The following NBEAL2 variants were observed in gnomAD, a reference collection of about 807,000 sequenced individuals.
NBEAL2 encodes neurobeachin-like protein 2.
A neutral mutation model predicts 299.8 loss-of-function variants in NBEAL2; 160 were observed. The observed-to-expected ratio is 0.53, with a 90% CI of 0.47 to 0.61. NBEAL2 has a LOEUF of 0.61. Among genes scored for constraint, NBEAL2 ranks in the 20% least tolerant of loss-of-function variants. The probability of loss-of-function intolerance (pLI) is 0.00; values close to 1 mark genes in which losing one functional copy is unlikely to be tolerated. For missense variants in NBEAL2, 3,112 were observed against 3,649.0 expected (o/e 0.85, Z 3.79); for synonymous variants, 1,493 against 1,542.3 (o/e 0.97, Z 0.75).
chr3:46,995,590 A>G lies in NBEAL2; in HGVS notation c.1855A>G (p.Thr619Ala). 1 of 1,612,304 alleles carries G rather than the reference A, an allele frequency of 6.2e-7. No homozygotes were observed. The highest frequency in any genetic ancestry group is 1.1e-5 in the South Asian group (1 of 91,068). Residue 619 changes from threonine (T) to alanine (A), a missense_variant, in exon 13 of 54, where the codon ACC (threonine) becomes GCC (alanine). Thr to Ala is a moderately conservative substitution (Grantham distance 58). Coordinates refer to ENST00000450053, the MANE Select transcript of NBEAL2 (RefSeq NM_015175.3). ...LCLHPMDTAP[T>A]PAPTRPLQRK... ...TCTGCACCCTATGGATACAGCACCT[A>G]CCCCTGCCCCCACCCGACCACTCCA...
chr3:47,001,472 A>G lies in NBEAL2; in HGVS notation c.4644+34A>G. ...CCTCAGAGAGGCGTGAGCCACATGA[A>G]CACTCATGTTCATGCAAGCCTGCAG... is the stretch of plus-strand genomic sequence containing the variant. On this transcript the variant is annotated intron_variant, in intron 29 of 53. Coordinates refer to ENST00000450053, the MANE Select transcript of NBEAL2 (RefSeq NM_015175.3). The surrounding 1 kb of genome is among the most constrained non-coding windows in gnomAD (Gnocchi z 6.1). The G allele has an allele frequency of 6.2e-7, 1 of 1,601,490 alleles. No individual in the cohort carries two copies. The highest frequency in any genetic ancestry group is 8.5e-7 in the Non-Finnish European group (1 of 1,175,472).
At chr3:46,980,146 A>G (rs2035218495) in intron 1 of NBEAL2, among the ~76,000 whole-genome samples, 1 of 152,042 alleles carries the variant, frequency 6.6e-6, no homozygotes, top group South Asian at 2.1e-4. Context: ...CTTCATAGCA[A>G]CCCACCCCCG....
At position 46,989,339 on chromosome 3, in the gene NBEAL2, G is replaced by T. The variant is rs2035908074; in HGVS notation, c.431G>T (p.Gly144Val). 1.9e-6 allele frequency: 3 copies of T among 1,589,490 alleles called. No individual in the cohort carries two copies. Among genetic ancestry groups the T allele is most frequent in the Non-Finnish European group, 1.7e-6 (2 of 1,168,026 alleles). ...VALHALLLCE[G>V]LFDPYQTWRR... ...CTACATGCTCTGCTTCTCTGCGAGGGCCTCTTTGACCCTTACCAAACCTGG... is the reference window on the plus strand; with the variant it reads ...CTACATGCTCTGCTTCTCTGCGAGGTCCTCTTTGACCCTTACCAAACCTGG... Residue 144 changes from glycine to valine, a missense_variant, in exon 5 of 54, where the codon GGC becomes GTC. By Grantham distance (109) the Gly-to-Val change is moderately radical. Around this residue, in one of 3 missense-constraint regions of NBEAL2, gnomAD observed 2,243 missense variants for 2,538.1 expected, o/e 0.88. Transcript: ENST00000450053. This position sits in a 1 kb window ranked among gnomAD's most constrained non-coding sequence, Gnocchi z 5.5.
Position 46,989,616 on chromosome 3 carries a change from A to G in NBEAL2, c.556+23A>G, listed in dbSNP as rs1375908735. ...AAGGTCAGGCCCCGCCCCTGCCCCC[A>G]CTTGGCTCCACCCCCAAACCTAGGC... On this transcript the variant is annotated intron_variant, in intron 6 of 53. Transcript: ENST00000450053. This position sits in a 1 kb window ranked among gnomAD's most constrained non-coding sequence, Gnocchi z 5.5. 5 of 1,535,246 alleles carry G rather than the reference A, an allele frequency of 3.3e-6. No homozygotes were observed. The highest frequency in any genetic ancestry group is 4.4e-6 in the Non-Finnish European group (5 of 1,139,430).
rs376931816 is a variant in NBEAL2 at position 46,989,460 on chromosome 3, G to A, written c.474-51G>A. ...CGCGCTGGGCCCAAGGAGGGGTGAC[G>A]GCCAGGAGTGGTGAGAGCCGGGCTG... On this transcript the variant is annotated intron_variant, in intron 5 of 53. Transcript: ENST00000450053. This position sits in a 1 kb window ranked among gnomAD's most constrained non-coding sequence, Gnocchi z 5.5. 68 of 1,565,842 alleles carry A rather than the reference G, an allele frequency of 4.3e-5. No homozygotes were observed. The Middle Eastern group carries it at 6.7e-4, about 15-fold the overall frequency.
At chr3:46,998,619 C>A in intron 22 of NBEAL2, 54 bp downstream of exon 22, 1 of 1,578,468 alleles carries the variant, frequency 6.3e-7, no homozygotes, top group Non-Finnish European at 8.6e-7. Context: ...TGGCCTCCGG[C>A]CTTGGGGACT....
chr3:46,989,134 G>C lies in NBEAL2; in HGVS notation c.319G>C (p.Val107Leu). Residue 107 changes from valine (V) to leucine (L), a missense_variant, in exon 4 of 54, where the codon GTG becomes CTG. By Grantham distance (32) the Val-to-Leu change is conservative. Around this residue, in one of 3 missense-constraint regions of NBEAL2, gnomAD observed 2,243 missense variants for 2,538.1 expected, o/e 0.88. Coordinates refer to ENST00000450053, the MANE Select transcript of NBEAL2 (RefSeq NM_015175.3). The surrounding 1 kb of genome is among the most constrained non-coding windows in gnomAD (Gnocchi z 5.5). ...AGRGQVLVPR[V>L]LALLTKLVAE... is the part of the protein sequence containing the mutation. ...CCGGGGCCAAGTGCTAGTGCCCCGAGTGCTGGCACTGTTGACCAAGTTGGT... is the reference window on the plus strand; with the variant it reads ...CCGGGGCCAAGTGCTAGTGCCCCGACTGCTGGCACTGTTGACCAAGTTGGT... The C allele has an allele frequency of 6.2e-7, 1 of 1,613,916 alleles. No individual in the cohort carries two copies. The highest frequency in any genetic ancestry group is 8.5e-7 in the Non-Finnish European group (1 of 1,179,840).
chr3:46,990,997 G>A (rs150224052), intron 6 of NBEAL2, among the ~76,000 whole-genome samples: 2 of 152,086 alleles, frequency 1.3e-5, no homozygotes, highest in Non-Finnish European at 2.9e-5. Flanking sequence ...TCACCCTTAA[G>A]TCCCCCAAAG....
At position 46,988,835 on chromosome 3, in the gene NBEAL2, C is replaced by T; in HGVS notation, c.141-7C>T. 1 of 1,604,672 alleles carries T rather than the reference C, an allele frequency of 6.2e-7. No homozygotes were observed. The highest frequency in any genetic ancestry group is 8.5e-7 in the Non-Finnish European group (1 of 1,173,106). Reference sequence around the variant, plus strand: ...CCTCAGCACCCGTGTCTCCCCTTTCCTTGCAGGCCAGAGGAGGCAGGTGCA... The same window carrying T: ...CCTCAGCACCCGTGTCTCCCCTTTCTTTGCAGGCCAGAGGAGGCAGGTGCA... On this transcript the variant is annotated splice_region_variant and splice_polypyrimidine_tract_variant and intron_variant, in intron 2 of 53. Coordinates refer to ENST00000450053, the MANE Select transcript of NBEAL2 (RefSeq NM_015175.3). This position sits in a 1 kb window ranked among gnomAD's most constrained non-coding sequence, Gnocchi z 4.4.
intron 9 of NBEAL2, among the ~76,000 whole-genome samples, 187 bp downstream of exon 9, chr3:46,992,133 A>G (rs1269452461): frequency 6.6e-6 from 1 of 152,140 alleles, no homozygotes; most frequent in Non-Finnish European, 1.5e-5. Context: ...TGGGGCCTCT[A>G]TAGGACTGGG....
intron 9 of NBEAL2, 43 bp from the exon 10 acceptor site, chr3:46,992,432 C>G: frequency 6.5e-7 from 1 of 1,545,224 alleles, no homozygotes; most frequent in Non-Finnish European, 8.8e-7. Flanking sequence ...TTCCTCCTCT[C>G]TTCTTTGCCT....
rs185178033 is a variant in NBEAL2 at position 46,987,078 on chromosome 3, A to G, written c.52-1591A>G. 1.8e-3 allele frequency among the ~76,000 whole-genome samples: 273 copies of G among 152,336 alleles called. 3 individuals are homozygous for G. The highest frequency in any genetic ancestry group is 3.1e-3 in the Admixed American group (48 of 15,310). On this transcript the variant is annotated intron_variant, in intron 1 of 53. Coordinates refer to ENST00000450053, the MANE Select transcript of NBEAL2 (RefSeq NM_015175.3). ...TGTCTGGGCTTCAGATCTGCACTAAACTGTACCAGGGAGTTCCCCAATCAC... is the reference window on the plus strand; with the variant it reads ...TGTCTGGGCTTCAGATCTGCACTAAGCTGTACCAGGGAGTTCCCCAATCAC...
intron 1 of NBEAL2, among the ~76,000 whole-genome samples, 184 bp downstream of exon 1, chr3:46,980,096 C>G (rs1029663307): frequency 3.3e-5 from 5 of 152,076 alleles, no homozygotes; most frequent in African/African-American, 1.2e-4. Context: ...CCGGGTGCCT[C>G]TGGCACTTAT....
At chr3:47,002,837 G>A (rs756564408) in intron 33 of NBEAL2, 35 bp downstream of exon 33, 2 of 1,550,288 alleles carry the variant, frequency 1.3e-6, no homozygotes, top group South Asian at 2.4e-5. Flanking sequence ...GCTGTGGAGG[G>A]GTGGGGCTTG....
Position 47,001,652 on chromosome 3 carries a change from C to G in NBEAL2, c.4645-37C>G. ...CCTTTCCATGGACTCCTGGCCTCCC[C>G]TGGTGATGTCTGTTGGGAACCTGTT... On this transcript the variant is annotated intron_variant, in intron 29 of 53. Transcript: ENST00000450053. This position sits in a 1 kb window ranked among gnomAD's most constrained non-coding sequence, Gnocchi z 6.1. 6.2e-7 allele frequency: 1 copy of G among 1,604,704 alleles called. No homozygotes were observed. Among genetic ancestry groups the G allele is most frequent in the Non-Finnish European group, 8.5e-7 (1 of 1,172,788 alleles).
At chr3:47,002,543 T>A (rs780574448) in intron 32 of NBEAL2, 23 bp downstream of exon 32, 1 of 1,611,576 alleles carries the variant, frequency 6.2e-7, no homozygotes, top group Non-Finnish European at 8.5e-7. Flanking sequence ...GGGTAAGGGA[T>A]GGGAAACTGC....
At position 46,997,609 on chromosome 3, in the gene NBEAL2, G is replaced by A. The variant is rs2036599836; in HGVS notation, c.2873G>A (p.Arg958Gln). Residue 958 changes from arginine to glutamine, a missense_variant, in exon 20 of 54, where the codon CGG (arginine) becomes CAG (glutamine). Transcript: ENST00000450053. ...GTGGCTGCTTTTCTGCTGATGCTGC[G>A]GAACTTCCTTCAGGGTCACATGGTG... ...NAVAAFLLMLRNFLQGHMVNQ... is the reference protein window; with the variant it reads ...NAVAAFLLMLQNFLQGHMVNQ... 7 of 1,600,394 alleles carry A rather than the reference G, an allele frequency of 4.4e-6. No homozygotes were observed. The highest frequency in any genetic ancestry group is 1.3e-5 in the African/African-American group (1 of 74,680).
chr3:47,004,133 C>T lies in NBEAL2; in HGVS notation c.5938C>T (p.Arg1980Cys). 2 of 1,613,650 alleles carry T rather than the reference C, an allele frequency of 1.2e-6. No individual in the cohort carries two copies. Among genetic ancestry groups the T allele is most frequent in the Non-Finnish European group, 1.7e-6 (2 of 1,179,782 alleles). ...CCAGCTGCGTGAGGTCCACCTGCGG[C>T]GTTTCAACCTGCGCCGTTCAGCACT... ...LAQLREVHLR[R>C]FNLRRSALEL... Residue 1980 changes from arginine (R) to cysteine (C), a missense_variant, in exon 37 of 54, where the codon CGT becomes TGT. Arg to Cys is a radical substitution (Grantham distance 180). Around this residue, in one of 3 missense-constraint regions of NBEAL2, gnomAD observed 521 missense variants for 729.6 expected, o/e 0.71. Coordinates refer to ENST00000450053, the MANE Select transcript of NBEAL2 (RefSeq NM_015175.3). The surrounding 1 kb of genome is among the most constrained non-coding windows in gnomAD (Gnocchi z 5.0).
At position 46,989,499 on chromosome 3, in the gene NBEAL2, C is replaced by G; in HGVS notation, c.474-12C>G. The G allele has an allele frequency of 6.3e-7, 1 of 1,583,968 alleles. No homozygotes were observed. Among genetic ancestry groups the G allele is most frequent in the Non-Finnish European group, 8.6e-7 (1 of 1,165,156 alleles). On this transcript the variant is annotated splice_polypyrimidine_tract_variant and intron_variant, in intron 5 of 53. Transcript: ENST00000450053. This position sits in a 1 kb window ranked among gnomAD's most constrained non-coding sequence, Gnocchi z 5.5. ...AGAGCCGGGCTGATGTACTTGGCCT[C>G]ACTGCCCCCAGGGAAGTCATCAGCT...
Sources: gnomAD v4.1 joint callset for allele counts (sites outside exome capture counted in the v4.1 genomes callset) on GRCh38, gnomAD v4.1.1 for gene constraint, gnomAD v4.1.1 regional missense constraint, Gnocchi (gnomAD v3.1) non-coding constraint, MANE v1.5 for transcripts, NCBI Gene and HGNC (gene_info 2026-07-23, HGNC 2026-07-21) for gene names.